The following CIDEA variants were observed in gnomAD, a reference collection of about 807,000 sequenced individuals.
CIDEA encodes the protein cell death inducing DFFA like effector a, also known as lipid transferase CIDEA.
In CIDEA, 10 loss-of-function variants were observed where a neutral mutation model predicts 18.2. The observed-to-expected ratio is 0.55, with a 90% confidence interval of 0.34 to 0.93. CIDEA has a LOEUF of 0.93. Ranked by LOEUF, CIDEA falls within the 40% of genes least tolerant of loss-of-function variation. CIDEA has a pLI of 0.02. For synonymous variants in CIDEA, 128 were observed against 124.8 expected, an observed-to-expected ratio of 1.03 and a Z score of -0.17; for missense variants, 309 against 293.1, an observed-to-expected ratio of 1.05 and a Z score of -0.40.
intron 3 of CIDEA, among the ~76,000 whole-genome samples, chr18:12,264,863 C>T (rs1912308907): frequency 6.6e-6 from 1 of 152,214 alleles, no homozygotes; most frequent in South Asian, 2.1e-4. Flanking sequence ...AACTTCTCCA[C>T]TTTCTAAATA....
intron 3 of CIDEA, among the ~76,000 whole-genome samples, chr18:12,272,980 G>A (rs1435662431): frequency 1.3e-5 from 2 of 152,146 alleles, no homozygotes; most frequent in Non-Finnish European, 2.9e-5. Flanking sequence ...TGTACCTTGG[G>A]GCAGCTTTGC....
chr18:12,275,144 G>A (rs529536757), intron 4 of CIDEA, among the ~76,000 whole-genome samples: 3 of 152,332 alleles, frequency 2.0e-5, no homozygotes, highest in Admixed American at 6.5e-5. Flanking sequence ...CCAACATGGC[G>A]AAACTCTGTC....
Position 12,275,455 on chromosome 18 carries a change from G to A in CIDEA, c.512+1181G>A, listed in dbSNP as rs138464355. Among the ~76,000 whole-genome samples the A allele has an allele frequency of 6.7e-3, 1,027 of 152,298 alleles. 39 individuals carry two copies. The highest frequency in any genetic ancestry group is 0.061 in the Admixed American group (937 of 15,296). On this transcript the variant is annotated intron_variant, in intron 4 of 4. Transcript: ENST00000320477. ...CTACTTCTACTCCAGTAAATTTACC[G>A]TTGATCCTTAAAGAACTAACCTCTG...
intron 3 of CIDEA, among the ~76,000 whole-genome samples, chr18:12,268,254 A>ATTTTTTTTTTTTTTTTTTT (rs1912411367): frequency 7.8e-5 from 4 of 51,054 alleles, no homozygotes; most frequent in African/African-American, 7.7e-5. Flanking sequence ...TTTTTTTTTC[A>ATTTTTTTTTTTTTTTTTTT]TTTTTAGTAG....
chr18:12,270,531 A>G (rs1388708605), intron 3 of CIDEA, among the ~76,000 whole-genome samples: 1 of 152,044 alleles, frequency 6.6e-6, no homozygotes, highest in Non-Finnish European at 1.5e-5. Flanking sequence ...TTTACTAAAA[A>G]TACAAAAATT....
intron 3 of CIDEA, among the ~76,000 whole-genome samples, chr18:12,273,130 C>T (rs1713623602): frequency 6.6e-6 from 1 of 152,156 alleles, no homozygotes. Context: ...GTGGGTTTGT[C>T]TGTATGGTGG....
chr18:12,267,256 A>G (rs1489206077), intron 3 of CIDEA, among the ~76,000 whole-genome samples: 1 of 152,250 alleles, frequency 6.6e-6, no homozygotes, highest in Non-Finnish European at 1.5e-5. Flanking sequence ...GCAATGCCCT[A>G]AGTGGTGAGA....
chr18:12,255,326 C>A (rs1912000399), intron 1 of CIDEA, among the ~76,000 whole-genome samples: 1 of 152,084 alleles, frequency 6.6e-6, no homozygotes, highest in East Asian at 1.9e-4. Flanking sequence ...CTACGTGTGG[C>A]GGGCAGAGAG....
intron 3 of CIDEA, among the ~76,000 whole-genome samples, chr18:12,266,541 T>A (rs761670794): frequency 5.3e-5 from 8 of 152,082 alleles, no homozygotes; most frequent in Non-Finnish European, 8.8e-5. Flanking sequence ...TTTTTGGAAA[T>A]GAAAAATATA....
intron 1 of CIDEA, chr18:12,254,857 A>G (rs776469562): frequency 4.5e-6 from 6 of 1,331,450 alleles, no homozygotes; most frequent in Non-Finnish European, 5.0e-6. Flanking sequence ...GGAAATCACA[A>G]CGGGAGCTGG....
intron 1 of CIDEA, among the ~76,000 whole-genome samples, chr18:12,258,957 C>G (rs1202135179): frequency 6.6e-6 from 1 of 152,240 alleles, no homozygotes; most frequent in Non-Finnish European, 1.5e-5. Context: ...CCTCTCCCCC[C>G]GGGTCACCAG....
At chr18:12,271,846 C>A (rs1205339118) in intron 3 of CIDEA, among the ~76,000 whole-genome samples, 5 of 152,182 alleles carry the variant, frequency 3.3e-5, no homozygotes. Context: ...GCTCCCCGGT[C>A]CCAGCGCCCT....
At chr18:12,274,404 T>C (rs1912648806) in intron 4 of CIDEA, 130 bp downstream of exon 4, 1 of 738,434 alleles carries the variant, frequency 1.4e-6, no homozygotes, top group Non-Finnish European at 2.2e-6. Flanking sequence ...GGAGTAATGT[T>C]GTCTGGAGGT....
At chr18:12,275,627 C>T (rs915753620) in intron 4 of CIDEA, among the ~76,000 whole-genome samples, 1 of 152,174 alleles carries the variant, frequency 6.6e-6, no homozygotes, top group Admixed American at 6.5e-5. Context: ...TTCCGTCCCC[C>T]GTGGCCTTGA....
chr18:12,256,208 G>A (rs145638348), intron 1 of CIDEA, among the ~76,000 whole-genome samples: 126 of 152,248 alleles, frequency 8.3e-4, no homozygotes, highest in African/African-American at 2.6e-3. Flanking sequence ...AACCCTGTCC[G>A]GGCAAAAGAG....
chr18:12,275,302 C>T (rs1905294238), intron 4 of CIDEA, among the ~76,000 whole-genome samples: 1 of 152,140 alleles, frequency 6.6e-6, no homozygotes, highest in South Asian at 2.1e-4. Flanking sequence ...ATAACCACAC[C>T]ACTGCACTCC....
chr18:12,270,894 C>CCTTTTTTTTTTTTTTT (rs1555662488), intron 3 of CIDEA, among the ~76,000 whole-genome samples: 1 of 60,000 alleles, frequency 1.7e-5, no homozygotes, highest in African/African-American at 6.8e-5. Context: ...TTTTTCTTTT[C>CCTTTTTTTTTTTTTTT]TTTTTTTTTT....
intron 2 of CIDEA, among the ~76,000 whole-genome samples, chr18:12,264,089 G>A (rs1200937444): frequency 6.6e-6 from 1 of 152,114 alleles, no homozygotes; most frequent in Non-Finnish European, 1.5e-5. Flanking sequence ...CTCCAGCCTG[G>A]GCAGCATAGT....
intron 3 of CIDEA, among the ~76,000 whole-genome samples, chr18:12,269,461 T>A (rs979660008): frequency 9.9e-5 from 15 of 152,230 alleles, no homozygotes; most frequent in African/African-American, 3.1e-4. Context: ...AGATGCAGCG[T>A]GTAATCTGAA....
Sources: allele counts gnomAD v4.1 joint callset (sites outside exome capture counted in the v4.1 genomes callset), GRCh38; gene constraint gnomAD v4.1.1; transcripts MANE v1.5; gene names NCBI Gene and HGNC (gene_info 2026-07-23, HGNC 2026-07-21).